The following CPNE4 variants were observed in gnomAD, a reference collection of about 807,000 sequenced individuals.
CPNE4 encodes copine 4.
A neutral mutation model predicts 67.9 loss-of-function variants in CPNE4; 25 were observed. That is an observed-to-expected ratio of 0.37 (90% CI 0.27 to 0.51). The LOEUF is 0.51. Ranked by LOEUF, CPNE4 falls within the 20% of genes least tolerant of loss-of-function variation. CPNE4 has a pLI of 0.93. For synonymous variants in CPNE4, 242 were observed against 244.9 expected, an observed-to-expected ratio of 0.99 and a Z score of 0.11; for missense variants, 464 against 690.8, an observed-to-expected ratio of 0.67 and a Z score of 3.68.
intron 1 of CPNE4, among the ~76,000 whole-genome samples, chr3:131,994,763 TA>T (rs1177897354): frequency 1.3e-5 from 2 of 152,196 alleles, no homozygotes; most frequent in South Asian, 2.1e-4. Flanking sequence ...GGGAGATGGA[TA>T]AAACAGATTT....
At chr3:131,788,071 T>C (rs2083613903) in intron 2 of CPNE4, among the ~76,000 whole-genome samples, 1 of 152,122 alleles carries the variant, frequency 6.6e-6, no homozygotes, top group Non-Finnish European at 1.5e-5. Context: ...AAAACATAGG[T>C]AAATATGATT....
intron 2 of CPNE4, among the ~76,000 whole-genome samples, chr3:131,880,881 C>G (rs570797157): frequency 1.6e-4 from 25 of 152,278 alleles, no homozygotes; most frequent in Admixed American, 6.5e-4. Flanking sequence ...GCTTAGCCAA[C>G]AAGTTGGCCC....
chr3:131,865,375 A>T (rs1296500800), intron 2 of CPNE4, among the ~76,000 whole-genome samples: 1 of 151,662 alleles, frequency 6.6e-6, no homozygotes, highest in African/African-American at 2.4e-5. Context: ...TATATTTGTA[A>T]TGCATATTAG....
At chr3:132,008,505 T>G (rs16838230) in intron 1 of CPNE4, among the ~76,000 whole-genome samples, 5,558 of 152,284 alleles carry the variant, frequency 0.036, 373 homozygotes, top group African/African-American at 0.13. Flanking sequence ...ATGCTTTACA[T>G]GCAGGAAGTG....
intron 3 of CPNE4, among the ~76,000 whole-genome samples, chr3:131,717,651 C>G (rs954579167): frequency 6.6e-6 from 1 of 152,164 alleles, no homozygotes; most frequent in Non-Finnish European, 1.5e-5. Flanking sequence ...CTGCAAACTC[C>G]GCCTCCCTCA....
chr3:131,808,242 TAA>T (rs1263134980), intron 2 of CPNE4, among the ~76,000 whole-genome samples: 12 of 152,210 alleles, frequency 7.9e-5, no homozygotes, highest in African/African-American at 1.9e-4. Flanking sequence ...CACTCACTGT[TAA>T]GAGACAAATT....
intron 1 of CPNE4, among the ~76,000 whole-genome samples, chr3:131,976,682 C>T (rs954753508): frequency 3.3e-5 from 5 of 151,820 alleles, no homozygotes; most frequent in Admixed American, 6.6e-5. Context: ...GATTGTATAA[C>T]GACTGGAAAG....
chr3:131,586,004 C>A (rs1938155895), intron 8 of CPNE4, among the ~76,000 whole-genome samples: 1 of 152,088 alleles, frequency 6.6e-6, no homozygotes, highest in Non-Finnish European at 1.5e-5. Context: ...ATGTGTTCAA[C>A]AAATGGTATC....
chr3:131,639,440 AC>A (rs1423009407), intron 7 of CPNE4, among the ~76,000 whole-genome samples: 3 of 152,200 alleles, frequency 2.0e-5, no homozygotes, highest in African/African-American at 7.2e-5. Flanking sequence ...GAAATATACA[AC>A]CCTCCTAGAT....
intron 12 of CPNE4, 98 bp from the exon 13 acceptor site, chr3:131,552,589 C>A: frequency 3.4e-6 from 3 of 875,320 alleles, no homozygotes; most frequent in East Asian, 2.5e-5. Context: ...AAACAAATGC[C>A]CATTATATTC....
chr3:131,977,388 T>C (rs2072690685), intron 1 of CPNE4, among the ~76,000 whole-genome samples: 1 of 152,148 alleles, frequency 6.6e-6, no homozygotes, highest in Non-Finnish European at 1.5e-5. Context: ...TGACAGCACC[T>C]TCTCCTTTCA....
chr3:131,909,725 C>T lies in CPNE4; in HGVS notation c.-1-4281G>A, dbSNP rs1041916668. ...AATCTTATACATGTGTCAATAGTTG[C>T]CCAAGATAATTAAAAATTATCAAGG... On this transcript the variant is annotated intron_variant, in intron 1 of 15. Coordinates refer to ENST00000429747, the MANE Select transcript of CPNE4 (RefSeq NM_130808.3). 6.6e-5 allele frequency among the ~76,000 whole-genome samples: 10 copies of T among 151,902 alleles called. No individual in the cohort carries two copies. The East Asian group carries it at 1.7e-3, about 26-fold the overall frequency.
intron 2 of CPNE4, among the ~76,000 whole-genome samples, chr3:131,735,330 C>T (rs1053717182): frequency 6.6e-6 from 1 of 152,212 alleles, no homozygotes; most frequent in African/African-American, 2.4e-5. Flanking sequence ...TCAGACATTA[C>T]TGCATGTCCT....
At chr3:131,594,723 C>T (rs547600144) in intron 7 of CPNE4, among the ~76,000 whole-genome samples, 127 of 152,210 alleles carry the variant, frequency 8.3e-4, no homozygotes, top group Non-Finnish European at 1.5e-3. Context: ...TAAAAAGCTT[C>T]GGCACAGAAA....
At chr3:131,792,298 G>T (rs2083746779) in intron 2 of CPNE4, among the ~76,000 whole-genome samples, 1 of 151,740 alleles carries the variant, frequency 6.6e-6, no homozygotes, top group Non-Finnish European at 1.5e-5. Flanking sequence ...TTCATTTTCA[G>T]GAAAGATATT....
intron 1 of CPNE4, among the ~76,000 whole-genome samples, chr3:132,030,911 CAT>C (rs2074222404): frequency 6.6e-6 from 1 of 152,288 alleles, no homozygotes; most frequent in South Asian, 2.1e-4. Flanking sequence ...TTTCAAATAA[CAT>C]AGAAAAGATG....
intron 15 of CPNE4, among the ~76,000 whole-genome samples, chr3:131,539,738 T>TG (rs1287294973): frequency 6.6e-6 from 1 of 152,086 alleles, no homozygotes; most frequent in Non-Finnish European, 1.5e-5. Context: ...GAGGGTGATT[T>TG]GGGGAAGTTA....
intron 6 of CPNE4, among the ~76,000 whole-genome samples, 157 bp downstream of exon 6, chr3:131,685,718 T>C (rs1405759656): frequency 6.6e-6 from 1 of 152,040 alleles, no homozygotes; most frequent in Non-Finnish European, 1.5e-5. Context: ...GAGGTGGCGG[T>C]TGCAGTGAGA....
chr3:131,688,442 T>C (rs891977914), intron 5 of CPNE4, among the ~76,000 whole-genome samples: 1 of 152,184 alleles, frequency 6.6e-6, no homozygotes, highest in African/African-American at 2.4e-5. Context: ...ATGCATTTAC[T>C]CATTTGCCCC....
Sources: gnomAD v4.1 joint callset for allele counts (sites outside exome capture counted in the v4.1 genomes callset) on GRCh38, gnomAD v4.1.1 for gene constraint, MANE v1.5 for transcripts, NCBI Gene and HGNC (gene_info 2026-07-23, HGNC 2026-07-21) for gene names.